TMEM132C: variants seen among roughly 807,000 people sequenced by gnomAD.
TMEM132C encodes protein phosphatase 1, regulatory subunit 152.
TMEM132C carries 29 observed loss-of-function variants against 61.4 expected under a neutral mutation model. The ratio of observed to expected loss-of-function variants is 0.47; its 90% CI spans 0.35 to 0.64. TMEM132C has a LOEUF of 0.64. Among genes scored for constraint, TMEM132C ranks in the 30% least tolerant of loss-of-function variants. TMEM132C has a pLI of 0.00. For missense variants in TMEM132C, 1,408 were observed against 1,476.9 expected (o/e 0.95, Z 0.76); for synonymous variants, 656 against 633.1 (o/e 1.04, Z -0.54).
Position 128,701,027 on chromosome 12 carries a change from G to C in TMEM132C, c.2121+3612G>C, listed in dbSNP as rs146319208. ...ACCAACTCAGCCGCCGCCAAGGGCA[G>C]CCGGAGCTCCTGTCTGCTGGGCGAC... On this transcript the variant is annotated intron_variant, in intron 8 of 8. Transcript: ENST00000435159. Among the ~76,000 whole-genome samples the C allele has an allele frequency of 2.8e-3, 429 of 152,328 alleles. 3 individuals carry two copies. Among genetic ancestry groups the C allele is most frequent in the East Asian group, 0.023 (119 of 5,180 alleles).
At chr12:128,504,064 C>T (rs530092030) in intron 2 of TMEM132C, among the ~76,000 whole-genome samples, 12 of 152,282 alleles carry the variant, frequency 7.9e-5, no homozygotes, top group South Asian at 6.2e-4. Context: ...CTCCCTCTCA[C>T]GTCATCTCAG....
Position 128,705,688 on chromosome 12 carries a change from G to T in TMEM132C, c.2720G>T (p.Gly907Val), listed in dbSNP as rs1023372746. 1 of 1,551,446 alleles carries T rather than the reference G, an allele frequency of 6.4e-7. No individual in the cohort carries two copies. The highest frequency in any genetic ancestry group is 1.4e-5 in the African/African-American group (1 of 73,174). Reference sequence around the variant, plus strand: ...GTGGACCTCCCCAAGGCCGGGAGTGGGCTGGAGGAAAACGACCTGGTGCAG... The same window carrying T: ...GTGGACCTCCCCAAGGCCGGGAGTGTGCTGGAGGAAAACGACCTGGTGCAG... ...AHVDLPKAGS[G>V]LEENDLVQTP... The change falls in exon 9 of 9, where the codon GGG becomes GTG. Residue 907 changes from glycine (G) to valine (V), a missense_variant. Transcript: ENST00000435159.
chr12:128,283,543 T>A (rs1870964558), intron 1 of TMEM132C, among the ~76,000 whole-genome samples: 1 of 152,076 alleles, frequency 6.6e-6, no homozygotes, highest in Non-Finnish European at 1.5e-5. Flanking sequence ...TCTCTCTCTC[T>A]CTCCCTCTGT....
At chr12:128,452,586 T>G (rs570946781) in intron 2 of TMEM132C, among the ~76,000 whole-genome samples, 11 of 131,326 alleles carry the variant, frequency 8.4e-5, no homozygotes, top group African/African-American at 1.1e-4. Context: ...GGTGGGGGGG[T>G]TGTAGGGGGC....
At chr12:128,602,219 G>T (rs577084353) in intron 3 of TMEM132C, among the ~76,000 whole-genome samples, 2 of 152,252 alleles carry the variant, frequency 1.3e-5, no homozygotes, top group Admixed American at 6.5e-5. Flanking sequence ...AATAAGAAAG[G>T]TTTTTAAACC....
chr12:128,563,126 T>C (rs1385834714), intron 3 of TMEM132C, among the ~76,000 whole-genome samples: 1 of 152,222 alleles, frequency 6.6e-6, no homozygotes, highest in Non-Finnish European at 1.5e-5. Context: ...AGCAAGGAAA[T>C]GTCATCTTGT....
At chr12:128,376,391 A>G (rs1246662166) in intron 1 of TMEM132C, among the ~76,000 whole-genome samples, 1 of 152,218 alleles carries the variant, frequency 6.6e-6, no homozygotes, top group African/African-American at 2.4e-5. Flanking sequence ...TTCTTTGATT[A>G]TTCACTCAAG....
intron 2 of TMEM132C, among the ~76,000 whole-genome samples, chr12:128,466,787 G>C (rs575909625): frequency 6.6e-6 from 1 of 152,204 alleles, no homozygotes; most frequent in South Asian, 2.1e-4. Flanking sequence ...CAAAGTGCTG[G>C]GATTACAGGC....
intron 4 of TMEM132C, among the ~76,000 whole-genome samples, chr12:128,646,122 G>A (rs1177294160): frequency 3.3e-5 from 5 of 151,276 alleles, no homozygotes; most frequent in African/African-American, 9.7e-5. Flanking sequence ...AGTGTGTTTA[G>A]CTCAGTCCAT....
At chr12:128,545,275 A>G (rs376849144) in intron 3 of TMEM132C, among the ~76,000 whole-genome samples, 2 of 152,190 alleles carry the variant, frequency 1.3e-5, no homozygotes, top group African/African-American at 4.8e-5. Context: ...CTCCAGCTGC[A>G]TCTGTGTTGC....
intron 3 of TMEM132C, among the ~76,000 whole-genome samples, chr12:128,550,916 A>G (rs79526817): frequency 0.029 from 4,431 of 152,170 alleles, 259 homozygotes; most frequent in African/African-American, 0.1. Flanking sequence ...CAGGTGTGGA[A>G]TACGAAAGCT....
chr12:128,307,568 G>A (rs1871825404), intron 1 of TMEM132C, among the ~76,000 whole-genome samples: 1 of 152,196 alleles, frequency 6.6e-6, no homozygotes, highest in Non-Finnish European at 1.5e-5. Context: ...ATAATCTCTT[G>A]TGACCCAAAT....
intron 1 of TMEM132C, among the ~76,000 whole-genome samples, chr12:128,351,732 G>T (rs565885640): frequency 1.3e-5 from 2 of 152,142 alleles, no homozygotes; most frequent in Non-Finnish European, 2.9e-5. Context: ...ACTCACTCCC[G>T]TGAGAATCTC....
chr12:128,425,831 C>A (rs1005311354), intron 2 of TMEM132C, among the ~76,000 whole-genome samples: 15 of 152,234 alleles, frequency 9.9e-5, no homozygotes, highest in African/African-American at 3.6e-4. Context: ...ACTAGGACAT[C>A]TGTCTTTGAA....
intron 1 of TMEM132C, among the ~76,000 whole-genome samples, chr12:128,382,269 T>A (rs552374492): frequency 6.6e-6 from 1 of 152,310 alleles, no homozygotes; most frequent in Admixed American, 6.5e-5. Flanking sequence ...TAAAAAGTTA[T>A]ATAAATGCTA....
intron 2 of TMEM132C, among the ~76,000 whole-genome samples, chr12:128,518,091 G>C (rs541441415): frequency 1.3e-5 from 2 of 152,316 alleles, no homozygotes; most frequent in African/African-American, 4.8e-5. Context: ...TCTTTTATTA[G>C]AATCGACATC....
intron 1 of TMEM132C, 102 bp from the exon 2 acceptor site, chr12:128,414,630 C>A (rs185905567): frequency 1.2e-5 from 16 of 1,282,790 alleles, no homozygotes; most frequent in Non-Finnish European, 1.6e-5. Flanking sequence ...TTCAGAATTT[C>A]TATCCCTCAT....
At chr12:128,588,232 G>A (rs760426775) in intron 3 of TMEM132C, among the ~76,000 whole-genome samples, 21 of 152,122 alleles carry the variant, frequency 1.4e-4, no homozygotes, top group African/African-American at 1.9e-4. Context: ...TCAGGGGTTC[G>A]AGATAAGCCT....
chr12:128,403,243 T>A (rs1875230977), intron 1 of TMEM132C, among the ~76,000 whole-genome samples: 1 of 152,182 alleles, frequency 6.6e-6, no homozygotes, highest in Non-Finnish European at 1.5e-5. Flanking sequence ...GAAAAAATAT[T>A]CAGGCTTGCT....
Sources: allele counts gnomAD v4.1 joint callset (sites outside exome capture counted in the v4.1 genomes callset), GRCh38; gene constraint gnomAD v4.1.1; transcripts MANE v1.5; gene names NCBI Gene and HGNC (gene_info 2026-07-23, HGNC 2026-07-21).